The following DLEU7 variants were observed in gnomAD, a reference collection of about 807,000 sequenced individuals.
DLEU7 encodes leukemia-associated protein 7.
In DLEU7, 17 loss-of-function variants were observed where a neutral mutation model predicts 16.0. The observed-to-expected ratio is 1.06, with a 90% CI of 0.73 to 1.59. The LOEUF (loss-of-function observed/expected upper bound fraction) is 1.59, where lower values mean the gene tolerates loss of function less well. DLEU7 is among the 40% of genes most tolerant of loss of function. The pLI is 0.00. For synonymous variants in DLEU7, 113 were observed against 139.8 expected, an observed-to-expected ratio of 0.81 and a Z score of 1.35; for missense variants, 308 against 314.9, an observed-to-expected ratio of 0.98 and a Z score of 0.17.
intron 1 of DLEU7, among the ~76,000 whole-genome samples, chr13:50,747,564 C>G (rs1459252209): frequency 6.6e-6 from 1 of 152,056 alleles, no homozygotes; most frequent in Non-Finnish European, 1.5e-5. Context: ...ACAGCCAGGT[C>G]AAACATCTAG....
intron 1 of DLEU7, 94 bp from the exon 2 acceptor site, chr13:50,823,614 T>C: frequency 7.1e-7 from 1 of 1,404,904 alleles, no homozygotes; most frequent in South Asian, 1.4e-5. Flanking sequence ...TTTTCTCTTC[T>C]GGTGACAGCA....
At chr13:50,809,777 G>T (rs1337377448) in intron 1 of DLEU7, among the ~76,000 whole-genome samples, 3 of 152,142 alleles carry the variant, frequency 2.0e-5, no homozygotes, top group Non-Finnish European at 2.9e-5. Context: ...AATGCCAGGA[G>T]AAAGTTCTCC....
intron 1 of DLEU7, among the ~76,000 whole-genome samples, chr13:50,738,435 C>A (rs182696514): frequency 2.0e-5 from 3 of 152,214 alleles, no homozygotes; most frequent in African/African-American, 7.2e-5. Context: ...AGCAGACCAA[C>A]GTTCAGTCAG....
chr13:50,720,040 T>TA (rs1159736527), intron 1 of DLEU7, among the ~76,000 whole-genome samples: 1 of 152,206 alleles, frequency 6.6e-6, no homozygotes, highest in African/African-American at 2.4e-5. Context: ...AAGCAAATTA[T>TA]AAAATGGTAT....
At chr13:50,762,084 C>T (rs930522245) in intron 1 of DLEU7, among the ~76,000 whole-genome samples, 11 of 147,762 alleles carry the variant, frequency 7.4e-5, no homozygotes, top group Non-Finnish European at 1.3e-4. Flanking sequence ...CCCAGCTACT[C>T]GGGAGGCTGA....
At chr13:50,828,977 T>G (rs2137807012) in intron 1 of DLEU7, among the ~76,000 whole-genome samples, 2 of 152,306 alleles carry the variant, frequency 1.3e-5, no homozygotes, top group Admixed American at 1.3e-4. Flanking sequence ...AAAGAGCTGT[T>G]AAGATCAAGC....
rs188521249 is a variant in DLEU7, at chr13:50,791,997, A to G, written c.459+51191T>C. ...CACAACTTCTTGTTGGCAATCTCTT[A>G]CATTTTTTTAGGACTGTTGTCAAAT... On this transcript the variant is annotated intron_variant, in intron 1 of 1. Transcript: ENST00000400393. Among the ~76,000 whole-genome samples the G allele has an allele frequency of 3.0e-4, 46 of 152,292 alleles. 1 individual carries two copies. The highest frequency in any genetic ancestry group is 1.0e-3 in the Admixed American group (16 of 15,286).
chr13:50,821,467 G>A (rs1039160865), downstream of DLEU7, among the ~76,000 whole-genome samples: 6 of 152,120 alleles, frequency 3.9e-5, no homozygotes, highest in Non-Finnish European at 8.8e-5. Flanking sequence ...CTTGACAGCA[G>A]ATTTACCAAC....
intron 1 of DLEU7, among the ~76,000 whole-genome samples, chr13:50,834,882 G>A (rs1369192851): frequency 1.3e-5 from 2 of 152,132 alleles, no homozygotes; most frequent in Non-Finnish European, 2.9e-5. Flanking sequence ...ATGAGTTCAT[G>A]TCCTTTGCAG....
intron 1 of DLEU7, among the ~76,000 whole-genome samples, chr13:50,747,554 A>G (rs1417343244): frequency 1.3e-5 from 2 of 152,094 alleles, no homozygotes; most frequent in African/African-American, 4.8e-5. Flanking sequence ...CCAAAATTTC[A>G]CAGCCAGGTC....
intron 1 of DLEU7, among the ~76,000 whole-genome samples, chr13:50,794,161 C>A (rs980488706): frequency 6.6e-6 from 1 of 152,112 alleles, no homozygotes; most frequent in African/African-American, 2.4e-5. Context: ...CTTTGACTTT[C>A]CCTTTGTATT....
chr13:50,812,744 A>G (rs1231198845), intron 1 of DLEU7, among the ~76,000 whole-genome samples: 1 of 151,710 alleles, frequency 6.6e-6, no homozygotes, highest in Non-Finnish European at 1.5e-5. Flanking sequence ...AGTTACATAT[A>G]GCTATATACG....
At chr13:50,767,980 T>C (rs1875171969) in intron 1 of DLEU7, among the ~76,000 whole-genome samples, 1 of 152,212 alleles carries the variant, frequency 6.6e-6, no homozygotes, top group South Asian at 2.1e-4. Flanking sequence ...TTTGTTTTCC[T>C]AGTGGTGTGT....
rs150942094 is a variant in DLEU7, at chr13:50,830,076, C to T, written c.460-6556G>A. ...CCCAGAAATGATGTAATATCCTACACGATGCTTTGAGTACTTTGCCAGAAT... is the reference window on the plus strand; with the variant it reads ...CCCAGAAATGATGTAATATCCTACATGATGCTTTGAGTACTTTGCCAGAAT... On this transcript the variant is annotated intron_variant, in intron 1 of 1. Transcript: ENST00000504404. 1.9e-3 allele frequency among the ~76,000 whole-genome samples: 296 copies of T among 152,310 alleles called. 1 individual carries two copies. Among genetic ancestry groups the T allele is most frequent in the African/African-American group, 6.5e-3 (272 of 41,574 alleles).
chr13:50,823,553 A>C lies in DLEU7; in HGVS notation c.460-33T>G, dbSNP rs1876982756. ...GAACAACAAACACAAACAAGAAATT[A>C]GATAGGTTATGGGGGCCAATTGTTG... On this transcript the variant is annotated intron_variant, in intron 1 of 1. Coordinates refer to ENST00000504404, the MANE Select transcript of DLEU7 (RefSeq NM_001306135.2). The C allele has an allele frequency of 2.0e-6, 3 of 1,533,732 alleles. No homozygotes were observed. The East Asian group carries it at 7.3e-5, about 38-fold the overall frequency.
intron 1 of DLEU7, among the ~76,000 whole-genome samples, chr13:50,790,567 G>T (rs1045918362): frequency 6.6e-6 from 1 of 152,014 alleles, no homozygotes; most frequent in Non-Finnish European, 1.5e-5. Context: ...AGGAATCCTC[G>T]GTCTCTCACA....
At chr13:50,789,919 C>CTCTTTCTT (rs67993003) in intron 1 of DLEU7, among the ~76,000 whole-genome samples, 9 of 144,302 alleles carry the variant, frequency 6.2e-5, no homozygotes, top group South Asian at 2.2e-4. Context: ...CACCTTTTTT[C>CTCTTTCTT]TCTTTCTTTC....
Position 50,780,506 on chromosome 13 carries a change from A to G in DLEU7, c.459+62682T>C, listed in dbSNP as rs546948827. Among the ~76,000 whole-genome samples the G allele has an allele frequency of 2.0e-5, 3 of 152,366 alleles. No individual in the cohort carries two copies. In the East Asian group the frequency reaches 5.8e-4, roughly 29 times the overall value. ...CATTATCATGTGGGAATCAGATTAC[A>G]GCTAAGGAGCCCTCATAAAACCAGC... On this transcript the variant is annotated intron_variant, in intron 1 of 1. Transcript: ENST00000400393.
At chr13:50,794,713 G>C (rs1265920215) in intron 1 of DLEU7, among the ~76,000 whole-genome samples, 1 of 152,138 alleles carries the variant, frequency 6.6e-6, no homozygotes, top group African/African-American at 2.4e-5. Context: ...AACCCTTGAT[G>C]TAGGCATTAT....
Sources: allele counts gnomAD v4.1 joint callset (sites outside exome capture counted in the v4.1 genomes callset), GRCh38; gene constraint gnomAD v4.1.1; transcripts MANE v1.5; gene names NCBI Gene and HGNC (gene_info 2026-07-23, HGNC 2026-07-21).